The following GTF2B variants were observed in gnomAD, a reference collection of about 807,000 sequenced individuals.
GTF2B encodes the protein transcription initiation factor IIB.
A neutral mutation model predicts 34.6 loss-of-function variants in GTF2B; 20 were observed. The observed-to-expected ratio is 0.58, with a 90% CI of 0.41 to 0.84. The LOEUF is 0.84. GTF2B is among the 40% of genes least tolerant of loss of function. The pLI is 0.00. For missense variants in GTF2B, 237 were observed against 393.3 expected (o/e 0.60, Z 3.36); for synonymous variants, 142 against 132.4 (o/e 1.07, Z -0.50).
At chr1:88,881,941 T>C (rs1026675261) in intron 2 of GTF2B, among the ~76,000 whole-genome samples, 1 of 152,090 alleles carries the variant, frequency 6.6e-6, no homozygotes, top group Non-Finnish European at 1.5e-5. Flanking sequence ...AGTTGATTAA[T>C]CTCCACTGTC....
At chr1:88,860,597 A>C (rs1299443085) in intron 3 of GTF2B, among the ~76,000 whole-genome samples, 1 of 152,204 alleles carries the variant, frequency 6.6e-6, no homozygotes, top group African/African-American at 2.4e-5. Context: ...ATCCAACAGC[A>C]TATTAAAAGG....
At chr1:88,881,836 C>T (rs1052809555) in intron 2 of GTF2B, among the ~76,000 whole-genome samples, 5 of 151,992 alleles carry the variant, frequency 3.3e-5, no homozygotes, top group South Asian at 2.1e-4. Flanking sequence ...AAATTAACTT[C>T]CTTTGGTTTG....
At chr1:88,890,581 A>G (rs542693810) in intron 1 of GTF2B, among the ~76,000 whole-genome samples, 11 of 152,194 alleles carry the variant, frequency 7.2e-5, no homozygotes, top group Non-Finnish European at 1.5e-4. Flanking sequence ...GGATAACAGG[A>G]AACAGGTTGT....
At chr1:88,883,374 C>A (rs1388677060) in intron 2 of GTF2B, among the ~76,000 whole-genome samples, 1 of 152,138 alleles carries the variant, frequency 6.6e-6, no homozygotes, top group Non-Finnish European at 1.5e-5. Flanking sequence ...GACAAGTCAC[C>A]CTAACAGTAT....
At chr1:88,863,448 ATTC>A (rs1673488548) in intron 3 of GTF2B, among the ~76,000 whole-genome samples, 1 of 152,042 alleles carries the variant, frequency 6.6e-6, no homozygotes, top group South Asian at 2.1e-4. Context: ...GGTTCAAGCA[ATTC>A]TTCTGCCTCA....
intron 1 of GTF2B, among the ~76,000 whole-genome samples, chr1:88,890,247 C>T (rs1012971404): frequency 1.3e-5 from 2 of 151,684 alleles, no homozygotes; most frequent in African/African-American, 4.8e-5. Context: ...GGAGGCCTTA[C>T]CCGACAGAAC....
intron 6 of GTF2B, among the ~76,000 whole-genome samples, chr1:88,856,875 T>C (rs2810881): frequency 0.97 from 146,527 of 150,466 alleles, 71,466 homozygotes; most frequent in Middle Eastern, 1. Context: ...AATCTCAGCT[T>C]GCTGTAACCT....
At chr1:88,877,591 T>C (rs1673843812) in intron 2 of GTF2B, among the ~76,000 whole-genome samples, 1 of 152,152 alleles carries the variant, frequency 6.6e-6, no homozygotes, top group Admixed American at 6.6e-5. Flanking sequence ...GACATAATCA[T>C]ACAATTGGAA....
At chr1:88,884,284 C>T (rs911487014) in intron 2 of GTF2B, among the ~76,000 whole-genome samples, 2 of 152,158 alleles carry the variant, frequency 1.3e-5, no homozygotes, top group Non-Finnish European at 2.9e-5. Flanking sequence ...CCTCAGCCTC[C>T]GAAAGTGCTG....
intron 2 of GTF2B, among the ~76,000 whole-genome samples, chr1:88,871,808 G>C (rs556894326): frequency 2.6e-5 from 4 of 152,050 alleles, no homozygotes; most frequent in Non-Finnish European, 5.9e-5. Flanking sequence ...CTCAGCTCAC[G>C]GCAACCTCCG....
At chr1:88,863,405 G>A (rs985324425) in intron 3 of GTF2B, among the ~76,000 whole-genome samples, 2 of 151,936 alleles carry the variant, frequency 1.3e-5, no homozygotes, top group African/African-American at 2.4e-5. Context: ...GTTCAGTGGC[G>A]CGATCTTGGC....
At chr1:88,859,304 A>G (rs1490968234) in intron 5 of GTF2B, among the ~76,000 whole-genome samples, 2 of 152,226 alleles carry the variant, frequency 1.3e-5, no homozygotes, top group African/African-American at 4.8e-5. Context: ...CCCACAAAGC[A>G]ACAGTCCATC....
At chr1:88,860,332 GA>G in intron 3 of GTF2B, 46 bp from the exon 4 acceptor site, 1 of 1,375,632 alleles carries the variant, frequency 7.3e-7, no homozygotes, top group Non-Finnish European at 1.0e-6. Context: ...TGGAAAGCAT[GA>G]AAAATGGACA....
At chr1:88,863,088 G>C (rs1246938079) in intron 3 of GTF2B, among the ~76,000 whole-genome samples, 1 of 152,094 alleles carries the variant, frequency 6.6e-6, no homozygotes, top group African/African-American at 2.4e-5. Flanking sequence ...TGAGAATCAG[G>C]CTGCCAAGAA....
At chr1:88,865,388 CT>C (rs1171444277) in intron 2 of GTF2B, among the ~76,000 whole-genome samples, 1 of 152,124 alleles carries the variant, frequency 6.6e-6, no homozygotes, top group East Asian at 1.9e-4. Context: ...TGAGTTTCTC[CT>C]TTTTTGTGGG....
chr1:88,867,370 A>T (rs150139836), intron 2 of GTF2B, among the ~76,000 whole-genome samples: 1 of 152,340 alleles, frequency 6.6e-6, no homozygotes, highest in East Asian at 1.9e-4. Flanking sequence ...ATTTTTAGAC[A>T]GAATTTAGTC....
chr1:88,856,022 C>T (rs1464608086), intron 6 of GTF2B, among the ~76,000 whole-genome samples: 2 of 152,116 alleles, frequency 1.3e-5, no homozygotes, highest in Non-Finnish European at 2.9e-5. Flanking sequence ...ATAATCCCAG[C>T]ACACTGGGAG....
intron 6 of GTF2B, among the ~76,000 whole-genome samples, chr1:88,856,291 C>CAAAAAAAAAAAAA (rs1162915523): frequency 3.4e-4 from 29 of 86,154 alleles, no homozygotes; most frequent in African/African-American, 1.1e-3. Flanking sequence ...AAAAAAAAAA[C>CAAAAAAAAAAAAA]AAAAAAAAAA....
At chr1:88,883,316 A>G (rs1673988569) in intron 2 of GTF2B, among the ~76,000 whole-genome samples, 1 of 152,240 alleles carries the variant, frequency 6.6e-6, no homozygotes, top group Non-Finnish European at 1.5e-5. Flanking sequence ...CAGAAAAATC[A>G]CAACAAAACT....
Sources: allele counts gnomAD v4.1 joint callset (sites outside exome capture counted in the v4.1 genomes callset), GRCh38; gene constraint gnomAD v4.1.1; transcripts MANE v1.5; gene names NCBI Gene and HGNC (gene_info 2026-07-23, HGNC 2026-07-21).